MAP3K1: variants seen among roughly 807,000 people sequenced by gnomAD.
MAP3K1 encodes MAP/ERK kinase kinase 1.
MAP3K1 carries 36 observed loss-of-function variants against 144.2 expected under a neutral mutation model. The ratio of observed to expected loss-of-function variants is 0.25; its 90% CI spans 0.19 to 0.33. The LOEUF (loss-of-function observed/expected upper bound fraction) is 0.33, where lower values mean the gene tolerates loss of function less well. Among genes scored for constraint, MAP3K1 ranks in the 10% least tolerant of loss-of-function variants. The probability of loss-of-function intolerance (pLI) is 1.00; values close to 1 mark genes in which losing one functional copy is unlikely to be tolerated. For synonymous variants in MAP3K1, 718 were observed against 688.7 expected (o/e 1.04, Z -0.67); for missense variants, 1,650 against 1,881.9 (o/e 0.88, Z 2.28).
At chr5:56,823,376 T>C (rs1156863978) in intron 1 of MAP3K1, among the ~76,000 whole-genome samples, 2 of 152,212 alleles carry the variant, frequency 1.3e-5, no homozygotes, top group African/African-American at 4.8e-5. Context: ...GTTGTTAAAA[T>C]CTTAACTCAT....
intron 15 of MAP3K1, among the ~76,000 whole-genome samples, chr5:56,883,939 A>T (rs1162871495): frequency 6.6e-6 from 1 of 152,120 alleles, no homozygotes; most frequent in Non-Finnish European, 1.5e-5. Context: ...ATTTGAGGCC[A>T]GGAGTTCAAG....
chr5:56,875,196 A>T lies in MAP3K1; in HGVS notation c.1851A>T (p.Gly617=), dbSNP rs781496763. The T allele has an allele frequency of 1.6e-5, 26 of 1,613,962 alleles. No individual in the cohort carries two copies. The highest frequency in any genetic ancestry group is 2.0e-5 in the Non-Finnish European group (24 of 1,180,012). Residue 617 remains glycine (G), a synonymous_variant, in exon 10 of 20, where the codon GGA becomes GGT. Transcript: ENST00000399503. ...GGSSGSSPSG[G]ATSGSSQTSI... The stretch of plus-strand genomic sequence containing the variant: ...GCAGTGGAAGCAGCCCGAGTGGGGG[A>T]GCCACCAGTGGGTCTTCCCAGACCA...
At chr5:56,837,948 C>A (rs886282903) in intron 1 of MAP3K1, among the ~76,000 whole-genome samples, 1 of 152,150 alleles carries the variant, frequency 6.6e-6, no homozygotes, top group African/African-American at 2.4e-5. Context: ...CCTAGAGCTT[C>A]AGTTAATGAG....
rs141334107 is a variant in MAP3K1 at position 56,878,356 on chromosome 5, C to T, written c.1966-624C>T. Among the ~76,000 whole-genome samples the T allele has an allele frequency of 9.3e-3, 1,420 of 152,036 alleles. 12 individuals carry two copies. Among genetic ancestry groups the T allele is most frequent in the Admixed American group, 0.014 (215 of 15,256 alleles). On this transcript the variant is annotated intron_variant, in intron 10 of 19. Transcript: ENST00000399503. ...TACAAGAAATACCTAATGTAGATGA[C>T]GGGTCGATGGATGCAGCAAACCACC...
intron 1 of MAP3K1, among the ~76,000 whole-genome samples, chr5:56,818,874 C>T (rs1422861401): frequency 2.0e-5 from 3 of 152,154 alleles, no homozygotes; most frequent in Non-Finnish European, 4.4e-5. Flanking sequence ...TTTATATCCT[C>T]ATATAGCCCT....
chr5:56,835,188 A>T (rs953016739), intron 1 of MAP3K1, among the ~76,000 whole-genome samples: 1 of 152,216 alleles, frequency 6.6e-6, no homozygotes, highest in Non-Finnish European at 1.5e-5. Context: ...TAGCAGGGAA[A>T]TACTAGCTCA....
At chr5:56,846,493 C>T (rs183760114) in intron 1 of MAP3K1, among the ~76,000 whole-genome samples, 22 of 152,312 alleles carry the variant, frequency 1.4e-4, no homozygotes, top group Admixed American at 5.2e-4. Flanking sequence ...GATTTTCATT[C>T]GCTAACTCAA....
intron 1 of MAP3K1, among the ~76,000 whole-genome samples, chr5:56,828,646 ATAAAT>A (rs1441137931): frequency 6.6e-6 from 1 of 152,230 alleles, no homozygotes; most frequent in Non-Finnish European, 1.5e-5. Flanking sequence ...ATTGGAGAAA[ATAAAT>A]TAGGTCAAAG....
rs747802855 is a variant in MAP3K1, at chr5:56,882,015, T to G, written c.2815T>G (p.Ser939Ala). ...ERLASISVGP[S>A]SSTTTTTTTT... ...ACTGGCCAGCATTTCAGTAGGACCT[T>G]CTAGTTCAACAACAACAACAACAAC... The change falls in exon 14 of 20, where the codon TCT becomes GCT. Residue 939 changes from serine to alanine, a missense_variant. This residue lies in a region of MAP3K1 where 841 missense variants were observed against 886.5 expected (regional missense o/e 0.95). Coordinates refer to ENST00000399503, the MANE Select transcript of MAP3K1 (RefSeq NM_005921.2). 1.3e-6 allele frequency: 2 copies of G among 1,548,668 alleles called. No individual in the cohort carries two copies. Among genetic ancestry groups the G allele is most frequent in the Non-Finnish European group, 1.7e-6 (2 of 1,149,812 alleles).
chr5:56,850,794 A>G (rs1293958786), intron 1 of MAP3K1, among the ~76,000 whole-genome samples: 3 of 152,312 alleles, frequency 2.0e-5, no homozygotes, highest in South Asian at 4.1e-4. Context: ...CACCTAATCC[A>G]TTGTCTGGCA....
Position 56,872,671 on chromosome 5 carries a change from C to T in MAP3K1, c.1454C>T (p.Pro485Leu). The T allele has an allele frequency of 1.2e-6, 2 of 1,608,944 alleles. No individual in the cohort carries two copies. Among genetic ancestry groups the T allele is most frequent in the Admixed American group, 1.7e-5 (1 of 60,000 alleles). The change falls in exon 8 of 20, where the codon CCT becomes CTT. Residue 485 changes from proline to leucine, a missense_variant. Physicochemically the swap from Pro to Leu is moderately conservative, Grantham distance 98. This residue lies in a region of MAP3K1 where 125 missense variants were observed against 179.9 expected (regional missense o/e 0.69). Coordinates refer to ENST00000399503, the MANE Select transcript of MAP3K1 (RefSeq NM_005921.2). ...WAEECRRNRE[P>L]LICPLCRSKW... ...GAAGAGTGTAGAAGAAATAGAGAAC[C>T]TTTAATATGTCCCCTTTGTAGATCT...
In MAP3K1 at chr5:56,865,919, A is replaced by T; in HGVS notation, c.1243A>T (p.Met415Leu). The T allele has an allele frequency of 6.2e-7, 1 of 1,613,244 alleles. No homozygotes were observed. The highest frequency in any genetic ancestry group is 8.5e-7 in the Non-Finnish European group (1 of 1,179,180). Reference protein sequence around the residue: ...RNTIQKFVSRMSNSHTLSSSS... With the variant: ...RNTIQKFVSRLSNSHTLSSSS... ...CACCATCCAGAAGTTTGTTTCACGC[A>T]TGTCAAATTCTCATACATTGTCATC... is the stretch of plus-strand genomic sequence containing the variant. The change falls in exon 6 of 20, where the codon ATG becomes TTG. Residue 415 changes from methionine (M) to leucine (L), a missense_variant. Physicochemically the swap from Met to Leu is conservative, Grantham distance 15. Around this residue, in one of 6 missense-constraint regions of MAP3K1, gnomAD observed 125 missense variants for 179.9 expected, o/e 0.69. Coordinates refer to ENST00000399503, the MANE Select transcript of MAP3K1 (RefSeq NM_005921.2).
chr5:56,879,789 G>T (rs2099008487), intron 11 of MAP3K1, among the ~76,000 whole-genome samples: 1 of 152,140 alleles, frequency 6.6e-6, no homozygotes, highest in African/African-American at 2.4e-5. Flanking sequence ...CACAGCTACT[G>T]TGAACAGTTA....
chr5:56,818,748 A>G (rs1746063028), intron 1 of MAP3K1, among the ~76,000 whole-genome samples: 1 of 152,136 alleles, frequency 6.6e-6, no homozygotes, highest in South Asian at 2.1e-4. Flanking sequence ...ACCCCATCCT[A>G]TTTTTGTAAC....
Position 56,882,546 on chromosome 5 carries a change from G to A in MAP3K1, c.3346G>A (p.Val1116Ile). The A allele has an allele frequency of 6.2e-7, 1 of 1,614,110 alleles. No homozygotes were observed. Among genetic ancestry groups the A allele is most frequent in the East Asian group, 2.2e-5 (1 of 44,886 alleles). Residue 1116 changes from valine to isoleucine, a missense_variant, in exon 14 of 20, where the codon GTA (valine) becomes ATA (isoleucine). Physicochemically the swap from Val to Ile is conservative, Grantham distance 29. Around this residue, in one of 6 missense-constraint regions of MAP3K1, gnomAD observed 841 missense variants for 886.5 expected, o/e 0.95. Transcript: ENST00000399503. The stretch of plus-strand genomic sequence containing the variant: ...CAGTGACGAGACAGTGTTCACCCCA[G>A]TAGAGGAGAAATGCAGATTAGATGT... Reference protein sequence around the residue: ...IPSDETVFTPVEEKCRLDVNT... With the variant: ...IPSDETVFTPIEEKCRLDVNT...
In MAP3K1 at chr5:56,881,178, T is replaced by C; in HGVS notation, c.2275T>C (p.Cys759Arg). The change falls in exon 13 of 20, where the codon TGT becomes CGT. Residue 759 changes from cysteine to arginine, a missense_variant. Cys to Arg is a radical substitution (Grantham distance 180, BLOSUM62 -3). Around this residue, in one of 6 missense-constraint regions of MAP3K1, gnomAD observed 841 missense variants for 886.5 expected, o/e 0.95. Coordinates refer to ENST00000399503, the MANE Select transcript of MAP3K1 (RefSeq NM_005921.2). ...NNWQELLGRL[C>R]LIDRLLLEFP... Reference sequence around the variant, plus strand: ...TTGGCAAGAACTTCTTGGCCGCCTTTGTCTTATAGATAGACTGTTGTTGGA... The same window carrying C: ...TTGGCAAGAACTTCTTGGCCGCCTTCGTCTTATAGATAGACTGTTGTTGGA... 6.2e-7 allele frequency: 1 copy of C among 1,613,896 alleles called. No homozygotes were observed. The highest frequency in any genetic ancestry group is 8.5e-7 in the Non-Finnish European group (1 of 1,179,898).
chr5:56,863,997 T>C (rs373500503), intron 3 of MAP3K1, among the ~76,000 whole-genome samples: 3 of 152,264 alleles, frequency 2.0e-5, no homozygotes, highest in East Asian at 3.9e-4. Flanking sequence ...CATGGCAGCG[T>C]TTGTAAATTT....
chr5:56,871,834 C>A, intron 6 of MAP3K1, 76 bp from the exon 7 acceptor site: 1 of 1,370,532 alleles, frequency 7.3e-7, no homozygotes, highest in Non-Finnish European at 1.0e-6. Flanking sequence ...TCTAAGCAAG[C>A]AGAAAGTGTT....
At chr5:56,853,973 T>C (rs1747256197) in intron 1 of MAP3K1, among the ~76,000 whole-genome samples, 1 of 152,178 alleles carries the variant, frequency 6.6e-6, no homozygotes, top group African/African-American at 2.4e-5. Flanking sequence ...GATTCAAAGT[T>C]AAAGAAGCCT....
Sources: allele counts gnomAD v4.1 joint callset (sites outside exome capture counted in the v4.1 genomes callset), GRCh38; gene constraint gnomAD v4.1.1; regional missense constraint gnomAD v4.1.1; transcripts MANE v1.5; gene names NCBI Gene and HGNC (gene_info 2026-07-23, HGNC 2026-07-21).